The following SYS1 variants were observed in gnomAD, a reference collection of about 807,000 sequenced individuals.
The protein encoded by SYS1 is SYS1 golgi trafficking protein.
SYS1 carries 8 observed loss-of-function variants against 17.8 expected under a neutral mutation model. That is an observed-to-expected ratio of 0.45 (90% CI 0.26 to 0.81). SYS1 has a LOEUF of 0.81. SYS1 is among the 40% of genes least tolerant of loss of function. The pLI, the probability that SYS1 is intolerant of heterozygous loss-of-function variation, is 0.16. For synonymous variants in SYS1, 95 were observed against 90.9 expected, an observed-to-expected ratio of 1.05 and a Z score of -0.26; for missense variants, 161 against 203.9, an observed-to-expected ratio of 0.79 and a Z score of 1.28.
upstream of SYS1, among the ~76,000 whole-genome samples, chr20:45,362,605 A>G (rs976921927): frequency 6.6e-6 from 1 of 152,156 alleles, no homozygotes; most frequent in Non-Finnish European, 1.5e-5. Context: ...ACCTCAGGTA[A>G]TCCGCCCACC....
Position 45,368,256 on chromosome 20 carries a change from CT to C in SYS1, c.*1142del. The C allele has an allele frequency of 1.0e-6, 1 of 985,472 alleles. No individual in the cohort carries two copies. Among genetic ancestry groups the C allele is most frequent in the Non-Finnish European group, 1.2e-6 (1 of 829,948 alleles). The allele number at this position is 985,472 out of a possible 1,614,324, so 61.0% of individuals were successfully genotyped here. On this transcript the variant is annotated 3_prime_UTR_variant, in exon 4 of 4. Transcript: ENST00000243918. Reference sequence around the variant, plus strand: ...GTCATTCCTCCATTTGGTTAAAATACTCAGTGCAGGGAACTCTTACATCCTG... The same window carrying C: ...GTCATTCCTCCATTTGGTTAAAATACCAGTGCAGGGAACTCTTACATCCTG...
At chr20:45,363,071 G>T (rs1211454619), upstream of SYS1, 17 of 987,364 alleles carry the variant, frequency 1.7e-5, no homozygotes, top group Non-Finnish European at 2.0e-5. Flanking sequence ...CTTGTACCTG[G>T]TTCAGGAGGT....
downstream of SYS1, chr20:45,373,961 C>T (rs1988636753): frequency 6.2e-7 from 1 of 1,613,568 alleles, no homozygotes; most frequent in Non-Finnish European, 8.5e-7. Context: ...GCTGATGGCG[C>T]GATCTCCACC....
downstream of SYS1, among the ~76,000 whole-genome samples, chr20:45,372,166 G>A (rs919264948): frequency 6.6e-6 from 1 of 152,230 alleles, no homozygotes; most frequent in African/African-American, 2.4e-5. Context: ...CCCTGGTTGT[G>A]GAATTGTGGG....
At chr20:45,363,902 T>G (rs1013641165) in intron 2 of SYS1, among the ~76,000 whole-genome samples, 1 of 152,240 alleles carries the variant, frequency 6.6e-6, no homozygotes, top group Non-Finnish European at 1.5e-5. Context: ...GCCTGGATGT[T>G]AATACAATAA....
chr20:45,364,010 G>A (rs1263727897), intron 2 of SYS1, among the ~76,000 whole-genome samples: 1 of 152,222 alleles, frequency 6.6e-6, no homozygotes, highest in African/African-American at 2.4e-5. Context: ...TGCCACATCG[G>A]AGAGAGGGGT....
At chr20:45,363,076 G>C (rs545399800), upstream of SYS1, 2 of 989,454 alleles carry the variant, frequency 2.0e-6, no homozygotes, top group Non-Finnish European at 2.4e-6. Flanking sequence ...ACCTGGTTCA[G>C]GAGGTTCAGG....
At position 45,367,193 on chromosome 20, in the gene SYS1, C is replaced by T; in HGVS notation, c.*78C>T. ...CTGCTCAGACCCTCCAGATGAGGTCCAGCCCAGATCTGAGAGGAACCCTGG... is the reference window on the plus strand; with the variant it reads ...CTGCTCAGACCCTCCAGATGAGGTCTAGCCCAGATCTGAGAGGAACCCTGG... On this transcript the variant is annotated 3_prime_UTR_variant, in exon 4 of 4. Transcript: ENST00000243918. 1.3e-6 allele frequency: 2 copies of T among 1,564,560 alleles called. No individual in the cohort carries two copies. The highest frequency in any genetic ancestry group is 1.2e-5 in the South Asian group (1 of 83,292).
In SYS1 at chr20:45,367,731, G is replaced by T; in HGVS notation, c.*616G>T. ...TATACACACGTTCATGTGCACCCAAGAACCTATGACTTTCTTCCAGTTCCT... is the reference window on the plus strand; with the variant it reads ...TATACACACGTTCATGTGCACCCAATAACCTATGACTTTCTTCCAGTTCCT... On this transcript the variant is annotated 3_prime_UTR_variant, in exon 4 of 4. Coordinates refer to ENST00000243918, the MANE Select transcript of SYS1 (RefSeq NM_033542.4). The T allele has an allele frequency of 8.1e-6, 8 of 986,814 alleles. No homozygotes were observed. The highest frequency in any genetic ancestry group is 9.6e-6 in the Non-Finnish European group (8 of 830,708). 61.1% of individuals were successfully genotyped at this position (986,814 alleles called of 1,614,324 possible). A position where few individuals can be genotyped will look rare whatever the true frequency, so the allele number is the denominator to read the frequency against.
At position 45,375,211 on chromosome 20, in the gene SYS1, A is replaced by T. The variant is rs780874034; in HGVS notation, c.*917A>T. 13 of 1,614,040 alleles carry T rather than the reference A, an allele frequency of 8.1e-6. No homozygotes were observed. In the South Asian group the frequency reaches 1.3e-4, roughly 16 times the overall value. On this transcript the variant is annotated 3_prime_UTR_variant, in exon 4 of 4. Transcript: ENST00000426004. ...CTGGTCGGCTACATCCAGCTGCTTC[A>T]TGTGCCCCATGGGAGTTCTATTGCG...
chr20:45,365,780 C>G, intron 3 of SYS1, 94 bp downstream of exon 3: 2 of 1,321,366 alleles, frequency 1.5e-6, no homozygotes, highest in Non-Finnish European at 2.2e-6. Context: ...GCACTTGTTT[C>G]TGGGGAGTGG....
intron 2 of SYS1, among the ~76,000 whole-genome samples, chr20:45,364,119 G>T (rs1261511389): frequency 1.3e-5 from 2 of 152,186 alleles, no homozygotes; most frequent in Admixed American, 6.5e-5. Flanking sequence ...TGTGACCTGG[G>T]GCAAATGTCA....
chr20:45,375,135 C>T (rs1407296020), exon 4 of SYS1: 1 of 1,614,128 alleles, frequency 6.2e-7, no homozygotes, highest in Admixed American at 1.7e-5. Context: ...TGCACATCAC[C>T]CTGGGCGCCG....
At chr20:45,374,965 C>T in exon 4 of SYS1, 1 of 1,545,390 alleles carries the variant, frequency 6.5e-7, no homozygotes, top group Non-Finnish European at 8.7e-7. Context: ...TGAACCCTGA[C>T]TCTGGGGCCC....
At chr20:45,369,664 G>GTGA (rs1320342530), downstream of SYS1, among the ~76,000 whole-genome samples, 4 of 141,070 alleles carry the variant, frequency 2.8e-5, no homozygotes, top group Non-Finnish European at 6.0e-5. Flanking sequence ...GTGCACTGGT[G>GTGA]TGATCTTGGC....
In SYS1 at chr20:45,366,843, A is replaced by C. The variant is rs368248546; in HGVS notation, c.231-32A>C. On this transcript the variant is annotated intron_variant, in intron 3 of 3. Transcript: ENST00000243918. ...AAATAACCTAAGGCCAGGACAACCC[A>C]GTGACAACTCACTGCTGTCCTCTCC... 13 of 1,589,408 alleles carry C rather than the reference A, an allele frequency of 8.2e-6. No homozygotes were observed. In the African/African-American group the frequency reaches 1.7e-4, roughly 21 times the overall value.
Position 45,366,967 on chromosome 20 carries a change from T to C in SYS1, c.323T>C (p.Phe108Ser). 1 of 1,614,200 alleles carries C rather than the reference T, an allele frequency of 6.2e-7. No individual in the cohort carries two copies. The highest frequency in any genetic ancestry group is 1.3e-5 in the African/African-American group (1 of 75,052). The part of the protein sequence containing the change: ...VHFFHLLGCW[F>S]YSSRFPSALT... ...TTCTTTCACCTCCTGGGCTGCTGGT[T>C]CTACAGCTCCCGTTTCCCCTCGGCG... Residue 108 changes from phenylalanine to serine, a missense_variant, in exon 4 of 4, where the codon TTC becomes TCC. Transcript: ENST00000243918.
intron 2 of SYS1, among the ~76,000 whole-genome samples, chr20:45,364,174 T>C (rs567933410): frequency 4.6e-5 from 7 of 152,314 alleles, no homozygotes; most frequent in African/African-American, 1.4e-4. Flanking sequence ...TGAGACTAGT[T>C]GCAGAGAGGT....
At chr20:45,371,348 C>T (rs1426729951), downstream of SYS1, among the ~76,000 whole-genome samples, 2 of 152,200 alleles carry the variant, frequency 1.3e-5, no homozygotes, top group African/African-American at 2.4e-5. Flanking sequence ...CCCCCCTATC[C>T]ATTTTACAGA....
Sources: gnomAD v4.1 joint callset for allele counts (sites outside exome capture counted in the v4.1 genomes callset) on GRCh38, gnomAD v4.1.1 for gene constraint, MANE v1.5 for transcripts, NCBI Gene and HGNC (gene_info 2026-07-23, HGNC 2026-07-21) for gene names.